Variants in KCNN2 observed in about 807,000 individuals in gnomAD.
The protein encoded by KCNN2 is small conductance calcium-activated potassium channel protein 2.
A neutral mutation model predicts 55.5 loss-of-function variants in KCNN2; 24 were observed. The observed-to-expected ratio is 0.43, with a 90% confidence interval of 0.31 to 0.61. KCNN2 has a LOEUF of 0.61. KCNN2 is among the 20% of genes least tolerant of loss of function. The pLI, the probability that KCNN2 is intolerant of heterozygous loss-of-function variation, is 0.08. For missense variants in KCNN2, 754 were observed against 853.6 expected (o/e 0.88, Z 1.45); for synonymous variants, 431 against 336.1 (o/e 1.28, Z -3.09).
chr5:114,157,849 G>GTT (rs1561500694), intron 1 of KCNN2, among the ~76,000 whole-genome samples: 2 of 149,978 alleles, frequency 1.3e-5, no homozygotes, highest in East Asian at 2.0e-4. Context: ...TTTTTGATGG[G>GTT]GTTTTTTTTT....
chr5:114,376,501 A>G (rs1580764964), intron 2 of KCNN2, among the ~76,000 whole-genome samples: 1 of 152,198 alleles, frequency 6.6e-6, no homozygotes, highest in African/African-American at 2.4e-5. Context: ...TGGGAACACA[A>G]TTCAGCAAAT....
At chr5:114,143,125 T>C (rs1437682194) in intron 1 of KCNN2, among the ~76,000 whole-genome samples, 1 of 152,120 alleles carries the variant, frequency 6.6e-6, no homozygotes, top group African/African-American at 2.4e-5. Context: ...TATACCAGCA[T>C]TTATTATTAA....
intron 3 of KCNN2, among the ~76,000 whole-genome samples, chr5:114,416,161 G>A (rs1181010838): frequency 6.6e-6 from 1 of 152,066 alleles, no homozygotes; most frequent in Non-Finnish European, 1.5e-5. Context: ...GATGGTTGTA[G>A]TAGCTGCGAA....
chr5:114,211,914 A>T (rs1306315643), intron 1 of KCNN2, among the ~76,000 whole-genome samples: 6 of 151,536 alleles, frequency 4.0e-5, no homozygotes, highest in African/African-American at 1.5e-4. Flanking sequence ...TTTTAATTCA[A>T]TTAAAATTTA....
intron 2 of KCNN2, among the ~76,000 whole-genome samples, chr5:114,376,369 C>A (rs1757946131): frequency 6.6e-6 from 1 of 152,200 alleles, no homozygotes; most frequent in Non-Finnish European, 1.5e-5. Flanking sequence ...ATTTACCCAG[C>A]AGCAAGAGGT....
Position 114,363,885 on chromosome 5 carries a change from TTCTG to T in KCNN2, c.1123-16_1123-13del. The stretch of plus-strand genomic sequence containing the variant: ...AAAAGTGCTTCTTTCTTAAAAGTGC[TTCTG>T]TCTGACTGTGTTGCAGGCGTCGCTG... On this transcript the variant is annotated splice_polypyrimidine_tract_variant and intron_variant, in intron 1 of 7. Coordinates refer to ENST00000673685, the MANE Select transcript of KCNN2 (RefSeq NM_021614.4). 6.3e-7 allele frequency: 1 copy of T among 1,596,668 alleles called. No individual in the cohort carries two copies. The highest frequency in any genetic ancestry group is 8.6e-7 in the Non-Finnish European group (1 of 1,164,350).
At position 114,171,888 on chromosome 5, in the gene KCNN2, T is replaced by C. The variant is rs775075347; in HGVS notation, c.-270-49592T>C. On this transcript the variant is annotated intron_variant, in intron 1 of 10. Transcript: ENST00000512097. ...TCATGTAGCCTGAAAGTGAACTAAA[T>C]TGTGTGTGTGAGGAAGGTGTGAACT... 7.2e-5 allele frequency among the ~76,000 whole-genome samples: 11 copies of C among 151,822 alleles called. 1 individual carries two copies. Among genetic ancestry groups the C allele is most frequent in the Non-Finnish European group, 1.3e-4 (9 of 67,828 alleles).
chr5:114,108,444 G>T (rs529878653), intron 1 of KCNN2, among the ~76,000 whole-genome samples: 1 of 151,866 alleles, frequency 6.6e-6, no homozygotes, highest in Non-Finnish European at 1.5e-5. Context: ...ATATAATTTG[G>T]TAAGTTTTGC....
At chr5:114,292,369 T>C (rs1437159078) in intron 2 of KCNN2, among the ~76,000 whole-genome samples, 1 of 152,204 alleles carries the variant, frequency 6.6e-6, no homozygotes, top group Non-Finnish European at 1.5e-5. Flanking sequence ...AATTTTTGTA[T>C]AAGGTGTAAG....
chr5:114,087,292 T>C (rs564998614), intron 1 of KCNN2, among the ~76,000 whole-genome samples: 72 of 152,310 alleles, frequency 4.7e-4, no homozygotes, highest in Middle Eastern at 6.8e-3. Context: ...TAGATCCCAC[T>C]TGTCAATTTT....
intron 1 of KCNN2, among the ~76,000 whole-genome samples, chr5:114,191,343 C>T (rs1398599888): frequency 2.0e-5 from 3 of 152,022 alleles, no homozygotes; most frequent in Admixed American, 2.0e-4. Context: ...TCAGTGTCTG[C>T]CTGCAATAAC....
At chr5:114,197,521 A>G (rs1561518798) in intron 1 of KCNN2, among the ~76,000 whole-genome samples, 1 of 152,142 alleles carries the variant, frequency 6.6e-6, no homozygotes, top group Non-Finnish European at 1.5e-5. Context: ...ATTGTGTCCA[A>G]TGAGTTAGTG....
In KCNN2 at chr5:114,493,464, T is replaced by C; in HGVS notation, c.2080T>C (p.Leu694=). The C allele has an allele frequency of 6.2e-7, 1 of 1,609,674 alleles. No individual in the cohort carries two copies. ...TGACCAAGCAAACACTTTGGTGGACTTGGCAAAGGTAAGCCTGAGGTGCTT... is the reference window on the plus strand; with the variant it reads ...TGACCAAGCAAACACTTTGGTGGACCTGGCAAAGGTAAGCCTGAGGTGCTT... ...LNDQANTLVD[L]AKTQNIMYDM... is the part of the protein sequence containing the mutation. The change falls in exon 7 of 8, where the codon TTG becomes CTG. Residue 694 remains leucine, a synonymous_variant. Transcript: ENST00000673685.
intron 1 of KCNN2, among the ~76,000 whole-genome samples, chr5:114,200,854 C>A (rs1368952243): frequency 6.6e-6 from 1 of 152,044 alleles, no homozygotes; most frequent in Admixed American, 6.6e-5. Flanking sequence ...TGGTGAAATT[C>A]AGCTGGGGAC....
At chr5:114,387,911 A>C (rs983743882) in intron 2 of KCNN2, among the ~76,000 whole-genome samples, 4 of 152,204 alleles carry the variant, frequency 2.6e-5, no homozygotes, top group Non-Finnish European at 5.9e-5. Context: ...AGAATATTAC[A>C]GTTGAAATAG....
intron 3 of KCNN2, among the ~76,000 whole-genome samples, chr5:114,444,031 G>A (rs1482544385): frequency 1.3e-5 from 2 of 152,200 alleles, no homozygotes; most frequent in Non-Finnish European, 2.9e-5. Context: ...GATATAGAGA[G>A]ATAGGCTGGA....
chr5:114,387,713 A>G (rs1561601223), intron 2 of KCNN2, among the ~76,000 whole-genome samples: 1 of 152,092 alleles, frequency 6.6e-6, no homozygotes. Context: ...TCTTTGTTGT[A>G]CATAAGAAAG....
chr5:114,110,832 T>G (rs937657196), intron 1 of KCNN2, among the ~76,000 whole-genome samples: 10 of 152,102 alleles, frequency 6.6e-5, no homozygotes, highest in African/African-American at 2.4e-4. Context: ...AAAGGATCTC[T>G]GTCCATTCAT....
intron 1 of KCNN2, among the ~76,000 whole-genome samples, chr5:114,190,739 A>T (rs1753432661): frequency 6.6e-6 from 1 of 152,206 alleles, no homozygotes; most frequent in Non-Finnish European, 1.5e-5. Flanking sequence ...ATATATCAGT[A>T]TGTTATTTCA....
Sources: gnomAD v4.1 joint callset for allele counts (sites outside exome capture counted in the v4.1 genomes callset) on GRCh38, gnomAD v4.1.1 for gene constraint, MANE v1.5 for transcripts, NCBI Gene and HGNC (gene_info 2026-07-23, HGNC 2026-07-21) for gene names.